Variants in PXT1 observed in about 807,000 individuals in gnomAD.
PXT1 encodes peroxisomal testis enriched protein 1, also known as peroxisomal testis-specific protein 1.
PXT1 carries 11 observed loss-of-function variants against 11.0 expected under a neutral mutation model. The ratio of observed to expected loss-of-function variants is 1.00; its 90% CI spans 0.63 to 1.66. The LOEUF is 1.66. Ranked by LOEUF, PXT1 falls within the 40% of genes most tolerant of loss-of-function variation. The pLI is 0.00. For missense variants in PXT1, 141 were observed against 155.5 expected, an observed-to-expected ratio of 0.91 and a Z score of 0.49; for synonymous variants, 43 against 51.4, an observed-to-expected ratio of 0.84 and a Z score of 0.70.
At chr6:36,436,720 AGGACT>A (rs1774769014) in intron 2 of PXT1, among the ~76,000 whole-genome samples, 1 of 152,216 alleles carries the variant, frequency 6.6e-6, no homozygotes, top group Admixed American at 6.5e-5. Context: ...AAGAGAGGTC[AGGACT>A]GGAAAAACAA....
chr6:36,395,023 A>T (rs1327343669), intron 4 of PXT1, among the ~76,000 whole-genome samples: 1 of 152,072 alleles, frequency 6.6e-6, no homozygotes, highest in Non-Finnish European at 1.5e-5. Context: ...AAAGAGAGAG[A>T]GAGAGACAGG....
chr6:36,441,111 G>GAAAAAAAA (rs970159726), intron 1 of PXT1, among the ~76,000 whole-genome samples: 1 of 71,208 alleles, frequency 1.4e-5, no homozygotes, highest in Non-Finnish European at 2.8e-5. Context: ...TCCACAAAAA[G>GAAAAAAAA]AAAAAAAAAA....
intron 2 of PXT1, among the ~76,000 whole-genome samples, chr6:36,437,518 T>G (rs1774783908): frequency 6.7e-6 from 1 of 149,942 alleles, no homozygotes; most frequent in African/African-American, 2.4e-5. Context: ...GTGTGGGTTT[T>G]TTTTTTTTTT....
chr6:36,439,510 G>C (rs1361386106), intron 1 of PXT1, among the ~76,000 whole-genome samples: 1 of 151,814 alleles, frequency 6.6e-6, no homozygotes, highest in Non-Finnish European at 1.5e-5. Flanking sequence ...TTACTTGGGA[G>C]GCTGAGGTAG....
At chr6:36,428,416 G>GAAAAAAAAAAAAAAAAA (rs58930146) in intron 2 of PXT1, among the ~76,000 whole-genome samples, 2 of 136,728 alleles carry the variant, frequency 1.5e-5, no homozygotes, top group East Asian at 2.2e-4. Context: ...GAGCGAGACT[G>GAAAAAAAAAAAAAAAAA]AAAAAAAAGA....
At chr6:36,429,023 T>C (rs1039383614) in intron 2 of PXT1, among the ~76,000 whole-genome samples, 1 of 151,612 alleles carries the variant, frequency 6.6e-6, no homozygotes, top group African/African-American at 2.4e-5. Context: ...TCCCAGTACT[T>C]TGGGAGGCTG....
intron 3 of PXT1, among the ~76,000 whole-genome samples, chr6:36,422,366 T>TA (rs1171459926): frequency 6.6e-6 from 1 of 152,174 alleles, no homozygotes; most frequent in Non-Finnish European, 1.5e-5. Context: ...CCATCCCCCT[T>TA]AACCCCTTCA....
intron 3 of PXT1, among the ~76,000 whole-genome samples, chr6:36,402,854 A>G (rs549321881): frequency 1.3e-5 from 2 of 152,348 alleles, no homozygotes; most frequent in African/African-American, 2.4e-5. Context: ...TAAACTCCCA[A>G]TGCTCAGGCC....
chr6:36,419,168 C>T (rs968110054), intron 3 of PXT1, among the ~76,000 whole-genome samples: 1 of 152,168 alleles, frequency 6.6e-6, no homozygotes, highest in African/African-American at 2.4e-5. Context: ...AGAGCTCACC[C>T]AGGAGAGAAG....
intron 2 of PXT1, among the ~76,000 whole-genome samples, chr6:36,435,098 A>C (rs1403368122): frequency 1.3e-5 from 2 of 152,166 alleles, no homozygotes; most frequent in Non-Finnish European, 2.9e-5. Flanking sequence ...CCAGAAAAAA[A>C]AAAGAAAAAA....
At position 36,432,975 on chromosome 6, in the gene PXT1, G is replaced by T. The variant is rs543349116; in HGVS notation, c.-10+5792C>A. Among the ~76,000 whole-genome samples, 4 of 150,854 alleles carry T rather than the reference G, an allele frequency of 2.7e-5. No homozygotes were observed. The South Asian group carries it at 8.4e-4, about 32-fold the overall frequency. ...CTTAGGGGAAAAAACCTGACATATT[G>T]GTGGCTCCCATAGAAAAAGCCTCCA... On this transcript the variant is annotated intron_variant, in intron 2 of 4. Coordinates refer to ENST00000454782, the MANE Select transcript of PXT1 (RefSeq NM_152990.4).
chr6:36,401,002 T>C (rs956585328), intron 3 of PXT1, among the ~76,000 whole-genome samples: 2 of 151,928 alleles, frequency 1.3e-5, no homozygotes, highest in African/African-American at 2.4e-5. Context: ...TCAGTTATTA[T>C]AATAATTATC....
chr6:36,392,276 G>A (rs1036709214), intron 4 of PXT1, among the ~76,000 whole-genome samples: 3 of 152,166 alleles, frequency 2.0e-5, no homozygotes, highest in African/African-American at 7.2e-5. Context: ...TCAGTAAATT[G>A]GGGCACTCTT....
intron 1 of PXT1, among the ~76,000 whole-genome samples, chr6:36,442,112 G>A (rs898338414): frequency 5.9e-5 from 9 of 152,104 alleles, no homozygotes; most frequent in Non-Finnish European, 8.8e-5. Flanking sequence ...CAACCTCCCA[G>A]TTGCCTCCTG....
intron 2 of PXT1, among the ~76,000 whole-genome samples, chr6:36,432,055 C>A (rs114808397): frequency 0.014 from 2,081 of 152,088 alleles, 44 homozygotes; most frequent in African/African-American, 0.045. Context: ...TGGGCCACAG[C>A]GCAAGACTCG....
chr6:36,429,756 C>T lies in PXT1; in HGVS notation c.-9-3665G>A, dbSNP rs535605017. 4.7e-3 allele frequency among the ~76,000 whole-genome samples: 716 copies of T among 151,400 alleles called. 4 individuals are homozygous for T. Among genetic ancestry groups the T allele is most frequent in the African/African-American group, 0.016 (663 of 41,386 alleles). ...CTGACCTCAAGTGATCCACCCACCT[C>T]GGCCTCCCAAAGGGCTGGGATTACA... On this transcript the variant is annotated intron_variant, in intron 2 of 4. Coordinates refer to ENST00000454782, the MANE Select transcript of PXT1 (RefSeq NM_152990.4).
At chr6:36,411,924 G>A (rs986322310) in intron 3 of PXT1, among the ~76,000 whole-genome samples, 1 of 152,000 alleles carries the variant, frequency 6.6e-6, no homozygotes, top group Non-Finnish European at 1.5e-5. Flanking sequence ...CTCCAGCCTG[G>A]GTAATAGAGT....
intron 2 of PXT1, among the ~76,000 whole-genome samples, chr6:36,432,680 G>GA (rs1255136330): frequency 2.6e-5 from 4 of 152,142 alleles, no homozygotes; most frequent in African/African-American, 9.7e-5. Context: ...ACACTTGTTT[G>GA]AAAATCTGTT....
chr6:36,411,712 C>T (rs1258265793), intron 3 of PXT1, among the ~76,000 whole-genome samples: 1 of 151,976 alleles, frequency 6.6e-6, no homozygotes, highest in Admixed American at 6.6e-5. Flanking sequence ...GAGGCCAAGG[C>T]AGGAGGATTA....
Sources: gnomAD v4.1 joint callset for allele counts (sites outside exome capture counted in the v4.1 genomes callset) on GRCh38, gnomAD v4.1.1 for gene constraint, MANE v1.5 for transcripts, NCBI Gene and HGNC (gene_info 2026-07-23, HGNC 2026-07-21) for gene names.